Variants in PAK5 observed in about 807,000 individuals in gnomAD.
PAK5 encodes p21 (RAC1) activated kinase 5.
A neutral mutation model predicts 65.9 loss-of-function variants in PAK5; 16 were observed. The ratio of observed to expected loss-of-function variants is 0.24; its 90% CI spans 0.16 to 0.37. PAK5 has a LOEUF of 0.37. Among genes scored for constraint, PAK5 ranks in the 10% least tolerant of loss-of-function variants. PAK5 has a pLI of 1.00. For missense variants in PAK5, 785 were observed against 903.9 expected (o/e 0.87, Z 1.69); for synonymous variants, 371 against 354.9 (o/e 1.05, Z -0.51).
At chr20:9,684,312 G>GCA (rs2047689442) in intron 2 of PAK5, among the ~76,000 whole-genome samples, 1 of 152,182 alleles carries the variant, frequency 6.6e-6, no homozygotes, top group Non-Finnish European at 1.5e-5. Context: ...GTTCCAGGAT[G>GCA]CACACTGGAC....
chr20:9,796,904 C>T (rs1249904738), intron 1 of PAK5, among the ~76,000 whole-genome samples: 1 of 152,094 alleles, frequency 6.6e-6, no homozygotes, highest in Non-Finnish European at 1.5e-5. Flanking sequence ...GGCATATACC[C>T]AGTAATGGGA....
chr20:9,762,788 C>A (rs1444380304), intron 1 of PAK5, among the ~76,000 whole-genome samples: 1 of 152,128 alleles, frequency 6.6e-6, no homozygotes, highest in East Asian at 1.9e-4. Flanking sequence ...AAATTCAAAT[C>A]AGGATGTTGA....
chr20:9,559,519 T>C (rs950141167), intron 6 of PAK5, among the ~76,000 whole-genome samples: 1 of 152,166 alleles, frequency 6.6e-6, no homozygotes, highest in Non-Finnish European at 1.5e-5. Context: ...ATTTGGCCTT[T>C]GGGAGGCCAA....
chr20:9,555,922 G>A (rs767308195), intron 7 of PAK5, among the ~76,000 whole-genome samples: 2 of 152,180 alleles, frequency 1.3e-5, no homozygotes, highest in Non-Finnish European at 2.9e-5. Flanking sequence ...CCTGCTGAGA[G>A]CCAGCTGACT....
In PAK5 at chr20:9,600,162, T is replaced by C. The variant is rs192439698; in HGVS notation, c.205-19232A>G. 7.2e-5 allele frequency among the ~76,000 whole-genome samples: 11 copies of C among 152,352 alleles called. No homozygotes were observed. In the East Asian group the frequency reaches 1.9e-3, roughly 27 times the overall value. On this transcript the variant is annotated intron_variant, in intron 3 of 9. Transcript: ENST00000353224. The stretch of plus-strand genomic sequence containing the variant: ...TTGTGGAAAAGCATCTGACCTCATA[T>C]GTGAGGGTTTGTTTCTGAGTGCTAT...
intron 1 of PAK5, among the ~76,000 whole-genome samples, chr20:9,804,247 G>A (rs1267638405): frequency 1.3e-5 from 2 of 152,184 alleles, no homozygotes; most frequent in Non-Finnish European, 2.9e-5. Context: ...ACATGGTAGT[G>A]CTTATGATAA....
chr20:9,802,030 G>A (rs1231311199), intron 1 of PAK5, among the ~76,000 whole-genome samples: 1 of 152,142 alleles, frequency 6.6e-6, no homozygotes. Flanking sequence ...CATCTTCTGA[G>A]AATCCATAAA....
rs1016421177 is a variant in PAK5 at position 9,606,041 on chromosome 20, T to C, written c.205-25111A>G. 3.3e-5 allele frequency among the ~76,000 whole-genome samples: 5 copies of C among 152,220 alleles called. No individual in the cohort carries two copies. The South Asian group carries it at 6.2e-4, about 19-fold the overall frequency. On this transcript the variant is annotated intron_variant, in intron 3 of 9. Coordinates refer to ENST00000353224, the MANE Select transcript of PAK5 (RefSeq NM_177990.4). ...TTAGTAGGTTGATATGATTTGGATC[T>C]GTGTCCCTGCCCAAATTTCATGTCA...
chr20:9,550,731 G>GGTGTGTGTGTGTGTGTGT (rs111410496), intron 7 of PAK5, among the ~76,000 whole-genome samples: 5 of 148,566 alleles, frequency 3.4e-5, no homozygotes, highest in East Asian at 2.0e-4. Context: ...CCATAATTGT[G>GGTGTGTGTGTGTGTGTGT]GTGTGTGTGT....
chr20:9,577,705 T>C (rs1316185999), intron 4 of PAK5: 1 of 152,188 alleles, frequency 6.6e-6, no homozygotes, highest in African/African-American at 2.4e-5. Flanking sequence ...CTCCCACCTC[T>C]TATCCTCCCA....
intron 1 of PAK5, among the ~76,000 whole-genome samples, chr20:9,753,177 T>A (rs575572933): frequency 1.7e-3 from 254 of 152,232 alleles, no homozygotes; most frequent in African/African-American, 5.7e-3. Flanking sequence ...ATAAGTGACA[T>A]AAATGCTTGT....
intron 3 of PAK5, among the ~76,000 whole-genome samples, chr20:9,631,466 C>G (rs1256829068): frequency 2.6e-5 from 4 of 152,204 alleles, no homozygotes; most frequent in Non-Finnish European, 5.9e-5. Context: ...AGCTGTCACG[C>G]ATTCTGCAGC....
intron 1 of PAK5, among the ~76,000 whole-genome samples, chr20:9,721,793 T>A (rs181554783): frequency 1.0e-4 from 15 of 150,572 alleles, no homozygotes; most frequent in African/African-American, 3.7e-4. Flanking sequence ...GTTCAGAAAA[T>A]AGAGCATGAC....
At chr20:9,592,846 G>C (rs934421413) in intron 3 of PAK5, among the ~76,000 whole-genome samples, 6 of 152,178 alleles carry the variant, frequency 3.9e-5, no homozygotes, top group Non-Finnish European at 7.3e-5. Flanking sequence ...AAGTCTAAGG[G>C]AGAGAGAACA....
intron 1 of PAK5, among the ~76,000 whole-genome samples, chr20:9,754,232 C>A (rs2048607848): frequency 6.6e-6 from 1 of 152,126 alleles, no homozygotes; most frequent in African/African-American, 2.4e-5. Flanking sequence ...GTGGATTTAT[C>A]AAGACAGGGG....
rs573878306 is a variant in PAK5 at position 9,577,400 on chromosome 20, C to CACACACACATGTGT, written c.990+2731_990+2744dup. ...TGTGTCAAACACACACACGTGTGTACACACACACATGTGTACACACACATG... is the reference window on the plus strand; with the variant it reads ...TGTGTCAAACACACACACGTGTGTACACACACACATGTGTACACACACATGTGTACACACACATG... On this transcript the variant is annotated intron_variant, in intron 4 of 9. Transcript: ENST00000353224. 504 of 151,764 alleles carry CACACACACATGTGT rather than the reference C, an allele frequency of 3.3e-3. 5 individuals are homozygous for CACACACACATGTGT. Among genetic ancestry groups the CACACACACATGTGT allele is most frequent in the African/African-American group, 0.011 (452 of 41,404 alleles). The allele number at this position is 151,764 out of a possible 1,614,324, so 9.4% of individuals were successfully genotyped here. A position where few individuals can be genotyped will look rare whatever the true frequency, so the allele number is the denominator to read the frequency against.
At chr20:9,730,456 C>A (rs2423445) in intron 1 of PAK5, among the ~76,000 whole-genome samples, 73,938 of 152,044 alleles carry the variant, frequency 0.49, 18,062 homozygotes, top group South Asian at 0.63. Flanking sequence ...TTAAACAATT[C>A]TCTCAGTTAC....
intron 1 of PAK5, among the ~76,000 whole-genome samples, chr20:9,816,905 C>G (rs1268960234): frequency 6.6e-6 from 1 of 152,130 alleles, no homozygotes; most frequent in East Asian, 1.9e-4. Context: ...GAATATGGGA[C>G]ACCTGGAATC....
At chr20:9,666,286 C>T (rs1471614944) in intron 2 of PAK5, among the ~76,000 whole-genome samples, 2 of 151,430 alleles carry the variant, frequency 1.3e-5, no homozygotes, top group Non-Finnish European at 2.9e-5. Flanking sequence ...ATATAGCCTC[C>T]TGACTGCCCA....
Sources: gnomAD v4.1 joint callset for allele counts (sites outside exome capture counted in the v4.1 genomes callset) on GRCh38, gnomAD v4.1.1 for gene constraint, MANE v1.5 for transcripts, NCBI Gene and HGNC (gene_info 2026-07-23, HGNC 2026-07-21) for gene names.